DIAPH2: variants seen among roughly 807,000 people sequenced by gnomAD.
DIAPH2 encodes diaphanous related formin 2, also known as protein diaphanous homolog 2.
A neutral mutation model predicts 92.7 loss-of-function variants in DIAPH2; 35 were observed. The observed-to-expected ratio is 0.38, with a 90% CI of 0.29 to 0.50. DIAPH2 has a LOEUF of 0.50. Among genes scored for constraint, DIAPH2 ranks in the 20% least tolerant of loss-of-function variants. The pLI is 0.94. For synonymous variants in DIAPH2, 301 were observed against 280.4 expected (o/e 1.07, Z -0.73); for missense variants, 701 against 819.5 (o/e 0.86, Z 1.77).
chrX:96,812,251 G>T (rs1012796480), intron 4 of DIAPH2, among the ~76,000 whole-genome samples: 2 of 111,883 alleles, frequency 1.8e-5, no homozygotes, highest in Non-Finnish European at 3.8e-5. Context: ...AGTCTTGGGA[G>T]GGTGTATGTG....
At chrX:97,443,965 T>G (rs2070284569) in intron 26 of DIAPH2, among the ~76,000 whole-genome samples, 1 of 112,334 alleles carries the variant, frequency 8.9e-6, no homozygotes, top group African/African-American at 3.2e-5. Context: ...ACTGTGATGC[T>G]CTATAAGATG....
intron 23 of DIAPH2, among the ~76,000 whole-genome samples, chrX:97,255,664 G>C (rs1204163530): frequency 8.9e-6 from 1 of 111,871 alleles, no homozygotes; most frequent in African/African-American, 3.2e-5. Flanking sequence ...TTCTGGCATA[G>C]CCTCAGTTTA....
At chrX:97,592,176 A>G (rs2071522172) in intron 26 of DIAPH2, among the ~76,000 whole-genome samples, 1 of 111,968 alleles carries the variant, frequency 8.9e-6, no homozygotes, top group African/African-American at 3.2e-5. Context: ...CCTTGAATTA[A>G]TATTATTGTA....
intron 26 of DIAPH2, among the ~76,000 whole-genome samples, chrX:97,509,364 C>T (rs1250839734): frequency 2.9e-5 from 3 of 104,805 alleles, no homozygotes; most frequent in East Asian, 3.0e-4. Context: ...ATTTAATATA[C>T]GTAAATTTTA....
intron 23 of DIAPH2, among the ~76,000 whole-genome samples, chrX:97,261,663 T>G (rs1053073963): frequency 3.6e-5 from 4 of 111,417 alleles, no homozygotes; most frequent in Non-Finnish European, 7.5e-5. Context: ...CATCTTGGCC[T>G]CTCAAAGTGC....
intron 26 of DIAPH2, among the ~76,000 whole-genome samples, chrX:97,512,109 G>C (rs1182431174): frequency 8.9e-6 from 1 of 112,749 alleles, no homozygotes; most frequent in Non-Finnish European, 1.9e-5. Context: ...TGTACCTCTG[G>C]TAGAATTCGG....
Position 97,602,993 on chromosome X carries a change from C to CCAT in DIAPH2, c.*3678_*3680dup, listed in dbSNP as rs1210476752. On this transcript the variant is annotated 3_prime_UTR_variant, in exon 27 of 27. Coordinates refer to ENST00000324765, the MANE Select transcript of DIAPH2 (RefSeq NM_006729.5). ...CCTCACAGATTTTTCCTGAACAACC[C>CCAT]CATCTCTATTCTTGGCTTCTGTTGA... is the stretch of plus-strand genomic sequence containing the variant. 1 of 111,290 alleles carries CCAT rather than the reference C, an allele frequency of 9.0e-6. No homozygotes were observed. Among genetic ancestry groups the CCAT allele is most frequent in the African/African-American group, 3.3e-5 (1 of 30,562 alleles). The allele number at this position is 111,290 out of a possible 1,213,427, so 9.2% of individuals were successfully genotyped here.
At chrX:96,725,678 C>T (rs942099532) in intron 1 of DIAPH2, among the ~76,000 whole-genome samples, 15 of 111,814 alleles carry the variant, frequency 1.3e-4, no homozygotes, top group African/African-American at 4.9e-4. Flanking sequence ...AGACATGGCC[C>T]ATTCCTGAAT....
chrX:96,839,545 A>T lies in DIAPH2; in HGVS notation c.448-42034A>T, dbSNP rs773411774. On this transcript the variant is annotated intron_variant, in intron 4 of 26. Transcript: ENST00000324765. ...CAGACACTTAATTTTTTCCTATGCT[A>T]ATAAGTGACTTCTAAAACAATTAAA... Among the ~76,000 whole-genome samples, 10 of 111,737 alleles carry T rather than the reference A, an allele frequency of 8.9e-5. No individual in the cohort carries two copies. The East Asian group carries it at 2.5e-3, about 28-fold the overall frequency.
intron 17 of DIAPH2, among the ~76,000 whole-genome samples, chrX:97,010,037 G>A (rs184715085): frequency 0.031 from 3,514 of 111,873 alleles, 146 homozygotes; most frequent in African/African-American, 0.11. Context: ...TCTTGTGGCC[G>A]AGACTGTGTT....
chrX:97,493,886 CA>C (rs1410854911), intron 26 of DIAPH2, among the ~76,000 whole-genome samples: 2 of 101,759 alleles, frequency 2.0e-5, no homozygotes. Flanking sequence ...GACTCCATCT[CA>C]AAAAAAAAGA....
intron 1 of DIAPH2, among the ~76,000 whole-genome samples, chrX:96,732,012 G>C (rs1377311117): frequency 9.0e-6 from 1 of 110,662 alleles, no homozygotes; most frequent in African/African-American, 3.3e-5. Context: ...TTTTGGGGGG[G>C]TCATTTTTGT....
At chrX:97,248,804 A>G (rs1166177284) in intron 23 of DIAPH2, among the ~76,000 whole-genome samples, 2 of 111,986 alleles carry the variant, frequency 1.8e-5, no homozygotes, top group East Asian at 5.6e-4. Flanking sequence ...TGGAAGTTAC[A>G]GTGCTGAACT....
chrX:97,563,444 T>C (rs1261038277), intron 26 of DIAPH2, among the ~76,000 whole-genome samples: 2 of 111,599 alleles, frequency 1.8e-5, no homozygotes, highest in Non-Finnish European at 3.8e-5. Flanking sequence ...AAAAAAACTA[T>C]CATAGCATGG....
intron 17 of DIAPH2, among the ~76,000 whole-genome samples, chrX:97,072,470 C>T (rs1313626442): frequency 8.9e-6 from 1 of 112,348 alleles, no homozygotes; most frequent in African/African-American, 3.2e-5. Flanking sequence ...TCAAAACAGT[C>T]TCAGCAGGAA....
At chrX:97,357,132 C>A (rs909368176) in intron 24 of DIAPH2, among the ~76,000 whole-genome samples, 2 of 111,342 alleles carry the variant, frequency 1.8e-5, no homozygotes, top group African/African-American at 6.5e-5. Flanking sequence ...GAATTATGTC[C>A]AAACACCAGG....
chrX:96,848,028 C>A (rs2147709088), intron 4 of DIAPH2, among the ~76,000 whole-genome samples: 1 of 110,499 alleles, frequency 9.0e-6, no homozygotes, highest in African/African-American at 3.3e-5. Flanking sequence ...TTATTTTTAT[C>A]TTTAAAAATT....
chrX:97,137,270 CATATATATATATATATATAT>C (rs57799375), intron 21 of DIAPH2, among the ~76,000 whole-genome samples: 2 of 68,264 alleles, frequency 2.9e-5, no homozygotes, highest in African/African-American at 6.3e-5. Flanking sequence ...CGCAGTTATA[CATATATATATATATATATAT>C]ATATATATAT....
chrX:97,581,069 T>C lies in DIAPH2; in HGVS notation c.3242-18184T>C, dbSNP rs1334644696. The stretch of plus-strand genomic sequence containing the variant: ...TTTGATTCTTCTCTCTTTTTTTCTT[T>C]ATTAGTCTTGCTAGAGGTCTGTCAA... On this transcript the variant is annotated intron_variant, in intron 26 of 26. Coordinates refer to ENST00000324765, the MANE Select transcript of DIAPH2 (RefSeq NM_006729.5). 5.9e-3 allele frequency among the ~76,000 whole-genome samples: 620 copies of C among 104,353 alleles called. 8 individuals are homozygous for C. The highest frequency in any genetic ancestry group is 0.021 in the African/African-American group (592 of 28,807). 90.6% of individuals were successfully genotyped at this position (104,353 alleles called of 115,157 possible).
Sources: allele counts gnomAD v4.1 joint callset (sites outside exome capture counted in the v4.1 genomes callset), GRCh38; gene constraint gnomAD v4.1.1; transcripts MANE v1.5; gene names NCBI Gene and HGNC (gene_info 2026-07-23, HGNC 2026-07-21).